Variants in SLC30A4 observed in about 807,000 individuals in gnomAD.
SLC30A4 encodes solute carrier family 30 member 4.
Under a neutral mutation model 41.7 loss-of-function variants are expected in SLC30A4, and 20 were observed. The observed-to-expected ratio is 0.48, with a 90% CI of 0.34 to 0.70. The LOEUF is 0.70. Among genes scored for constraint, SLC30A4 ranks in the 30% least tolerant of loss-of-function variants. The pLI, the probability that SLC30A4 is intolerant of heterozygous loss-of-function variation, is 0.01. For missense variants in SLC30A4, 441 were observed against 529.3 expected (o/e 0.83, Z 1.64); for synonymous variants, 181 against 195.9 (o/e 0.92, Z 0.64).
At chr15:45,511,031 T>C in intron 3 of SLC30A4, 107 bp downstream of exon 3, 2 of 870,050 alleles carry the variant, frequency 2.3e-6, no homozygotes, top group Non-Finnish European at 3.6e-6. Context: ...TTTCATTTGC[T>C]TTGTTCAAAC....
intron 2 of SLC30A4, chr15:45,513,657 T>C (rs958846272): frequency 7.2e-5 from 11 of 152,200 alleles, no homozygotes; most frequent in Admixed American, 1.3e-4. Flanking sequence ...GTTATCTTCA[T>C]GGTGTTTTAA....
intron 7 of SLC30A4, among the ~76,000 whole-genome samples, chr15:45,485,955 G>A (rs1306302097): frequency 6.6e-6 from 1 of 151,908 alleles, no homozygotes; most frequent in Admixed American, 6.6e-5. Context: ...CTGACCTCAG[G>A]TGATCCACCC....
chr15:45,504,840 G>C (rs1416213907), intron 3 of SLC30A4, among the ~76,000 whole-genome samples: 4 of 152,280 alleles, frequency 2.6e-5, no homozygotes, highest in Non-Finnish European at 4.4e-5. Flanking sequence ...TAGGAAGTTA[G>C]GGAGCCAGAG....
chr15:45,507,361 A>AAATAAAT (rs929231443), intron 3 of SLC30A4, among the ~76,000 whole-genome samples: 5 of 121,380 alleles, frequency 4.1e-5, no homozygotes, highest in Middle Eastern at 4.1e-3. Flanking sequence ...AATAAATAAT[A>AAATAAAT]AATTTCAGGA....
In SLC30A4 at chr15:45,484,773, T is replaced by A. The variant is rs1891666045; in HGVS notation, c.*390A>T. On this transcript the variant is annotated 3_prime_UTR_variant, in exon 8 of 8. Coordinates refer to ENST00000261867, the MANE Select transcript of SLC30A4 (RefSeq NM_013309.6). ...AGATTATTATACATAATAAAAAAAA[T>A]TCAGTTTTCCAGCACTGGCTTAATA... 6.3e-6 allele frequency: 1 copy of A among 158,328 alleles called. No homozygotes were observed. Among genetic ancestry groups the A allele is most frequent in the African/African-American group, 2.4e-5 (1 of 41,656 alleles). 9.8% of individuals were successfully genotyped at this position (158,328 alleles called of 1,614,324 possible). A position where few individuals can be genotyped will look rare whatever the true frequency, so the allele number is the denominator to read the frequency against.
At chr15:45,518,177 A>G (rs1595533567) in intron 2 of SLC30A4, among the ~76,000 whole-genome samples, 1 of 142,528 alleles carries the variant, frequency 7.0e-6, no homozygotes, top group Non-Finnish European at 1.5e-5. Context: ...CTCTTGGAAA[A>G]CTCCCTCACT....
intron 3 of SLC30A4, chr15:45,503,004 A>G (rs1892072970): frequency 6.6e-6 from 1 of 152,016 alleles, no homozygotes; most frequent in Admixed American, 6.6e-5. Context: ...GAAAAAAAAA[A>G]AAGACTCCAT....
chr15:45,507,499 C>CT (rs527747375), intron 3 of SLC30A4, among the ~76,000 whole-genome samples: 2,419 of 136,500 alleles, frequency 0.018, 143 homozygotes, highest in Admixed American at 0.11. Flanking sequence ...TTTCTTTTTC[C>CT]TTTTTTTTTT....
intron 3 of SLC30A4, among the ~76,000 whole-genome samples, chr15:45,500,652 CTATCTATCTATA>C (rs1048415293): frequency 4.6e-4 from 63 of 137,580 alleles, no homozygotes; most frequent in Non-Finnish European, 7.1e-4. Flanking sequence ...ATCTATCTAT[CTATCTATCTATA>C]TGTTTTTGTT....
chr15:45,493,002 T>C lies in SLC30A4; in HGVS notation c.539-2121A>G, dbSNP rs150045083. Among the ~76,000 whole-genome samples the C allele has an allele frequency of 3.8e-3, 573 of 152,346 alleles. 3 individuals are homozygous for C. The highest frequency in any genetic ancestry group is 4.5e-3 in the Non-Finnish European group (303 of 68,026). On this transcript the variant is annotated intron_variant, in intron 3 of 7. Coordinates refer to ENST00000261867, the MANE Select transcript of SLC30A4 (RefSeq NM_013309.6). ...TTAAAAACAGTAAGGCCAGACGCGG[T>C]GGCTTATGCCTGTAATCCCAGCACT...
chr15:45,514,505 T>C (rs946640339), intron 2 of SLC30A4, among the ~76,000 whole-genome samples: 1 of 151,240 alleles, frequency 6.6e-6, no homozygotes, highest in Non-Finnish European at 1.5e-5. Context: ...TAGATTGATA[T>C]TCCAATTTTT....
chr15:45,500,689 T>A (rs1892010256), intron 3 of SLC30A4, among the ~76,000 whole-genome samples: 1 of 152,068 alleles, frequency 6.6e-6, no homozygotes, highest in Admixed American at 6.6e-5. Flanking sequence ...TTTTATTTTT[T>A]TATTTTTTTT....
intron 3 of SLC30A4, among the ~76,000 whole-genome samples, chr15:45,495,168 G>A (rs908216139): frequency 6.6e-6 from 1 of 151,624 alleles, no homozygotes; most frequent in Non-Finnish European, 1.5e-5. Flanking sequence ...AAATTACAAA[G>A]CAATACACTT....
At chr15:45,501,816 C>A (rs1187185537) in intron 3 of SLC30A4, among the ~76,000 whole-genome samples, 1 of 152,052 alleles carries the variant, frequency 6.6e-6, no homozygotes, top group Non-Finnish European at 1.5e-5. Context: ...ACAATTAGTG[C>A]CAGACACAGA....
chr15:45,498,477 A>C (rs1238446485), intron 3 of SLC30A4, among the ~76,000 whole-genome samples: 1 of 152,194 alleles, frequency 6.6e-6, no homozygotes, highest in African/African-American at 2.4e-5. Context: ...CAGGCTAAAG[A>C]CATCATAGAG....
chr15:45,511,917 G>C (rs137985566), intron 2 of SLC30A4, among the ~76,000 whole-genome samples: 1 of 152,280 alleles, frequency 6.6e-6, no homozygotes, highest in African/African-American at 2.4e-5. Context: ...TCTACTATTA[G>C]TGAATTAATA....
At chr15:45,492,773 C>CCTA (rs1891834356) in intron 3 of SLC30A4, among the ~76,000 whole-genome samples, 1 of 151,924 alleles carries the variant, frequency 6.6e-6, no homozygotes. Flanking sequence ...TAAATAATCA[C>CCTA]CTGTAAATGC....
intron 2 of SLC30A4, among the ~76,000 whole-genome samples, chr15:45,519,834 C>T (rs1207081504): frequency 6.6e-6 from 1 of 151,768 alleles, no homozygotes; most frequent in African/African-American, 2.4e-5. Flanking sequence ...TTCAAATATT[C>T]AACGTTAACT....
chr15:45,511,221 C>G lies in SLC30A4; in HGVS notation c.455G>C (p.Ser152Thr), dbSNP rs746181575. ...AGCAAGCAGGGTGAGTATGATGGCG[C>G]TTAGGTCAGTTAACATATGAAGTGC... ...TDALHMLTDL[S>T]AIILTLLALW... is the part of the protein sequence containing the mutation. The change falls in exon 3 of 8, where the codon AGC (serine) becomes ACC (threonine). Residue 152 changes from serine to threonine, a missense_variant. Transcript: ENST00000261867. The G allele has an allele frequency of 4.3e-6, 7 of 1,613,196 alleles. No individual in the cohort carries two copies. In the East Asian group the frequency reaches 1.3e-4, roughly 31 times the overall value.
Sources: gnomAD v4.1 joint callset for allele counts (sites outside exome capture counted in the v4.1 genomes callset) on GRCh38, gnomAD v4.1.1 for gene constraint, MANE v1.5 for transcripts, NCBI Gene and HGNC (gene_info 2026-07-23, HGNC 2026-07-21) for gene names.